OGFR: variants seen among roughly 807,000 people sequenced by gnomAD.
OGFR encodes the protein protein 7-60.
Under a neutral mutation model 33.6 loss-of-function variants are expected in OGFR, and 18 were observed. That is an observed-to-expected ratio of 0.54 (90% confidence interval 0.37 to 0.80). The LOEUF (loss-of-function observed/expected upper bound fraction) is 0.80. Ranked by LOEUF, OGFR falls within the 30% of genes least tolerant of loss-of-function variation. The pLI is 0.00. For synonymous variants in OGFR, 370 were observed against 400.7 expected, an observed-to-expected ratio of 0.92 and a Z score of 0.91; for missense variants, 877 against 955.8, an observed-to-expected ratio of 0.92 and a Z score of 1.09.
At chr20:62,808,097 C>A in intron 2 of OGFR, 150 bp from the exon 3 acceptor site, 4 of 731,862 alleles carry the variant, frequency 5.5e-6, no homozygotes, top group South Asian at 4.3e-5. Context: ...CTCTGAATGG[C>A]CCCCACCTGC....
intron 6 of OGFR, 27 bp from the exon 7 acceptor site, chr20:62,812,203 A>T (rs1452211719): frequency 1.9e-5 from 28 of 1,459,302 alleles, no homozygotes; most frequent in Non-Finnish European, 9.1e-7. Context: ...CCAGCCATTG[A>T]CCTCTCCTGA....
At chr20:62,808,899 T>C (rs1990657935) in intron 3 of OGFR, among the ~76,000 whole-genome samples, 1 of 136,898 alleles carries the variant, frequency 7.3e-6, no homozygotes, top group Non-Finnish European at 1.5e-5. Flanking sequence ...CGCTTGAACT[T>C]GGGAGGTGGA....
chr20:62,809,930 G>C (rs1990686257), intron 4 of OGFR, among the ~76,000 whole-genome samples: 1 of 152,234 alleles, frequency 6.6e-6, no homozygotes, highest in South Asian at 2.1e-4. Context: ...ACAGGAGAGG[G>C]GGCAGGCACT....
intron 6 of OGFR, 95 bp from the exon 7 acceptor site, chr20:62,812,135 C>A: frequency 1.8e-6 from 2 of 1,130,358 alleles, no homozygotes; most frequent in Non-Finnish European, 1.2e-6. Context: ...GTGGGGAGAC[C>A]TCGTGGAGCC....
chr20:62,805,262 T>C (rs1380549608), intron 1 of OGFR, among the ~76,000 whole-genome samples: 1 of 151,596 alleles, frequency 6.6e-6, no homozygotes, highest in East Asian at 1.9e-4. Flanking sequence ...CCATCGTGTG[T>C]GGGCGCCGTT....
At position 62,810,604 on chromosome 20, in the gene OGFR, G is replaced by A. The variant is rs773856625; in HGVS notation, c.465+39G>A. ...TGGCTGTGACTGGAGGGGAAGATGG[G>A]GAGGCCTGGGCAAGCCACGCCGCTG... On this transcript the variant is annotated intron_variant, in intron 5 of 6. Transcript: ENST00000290291. 25 of 1,600,052 alleles carry A rather than the reference G, an allele frequency of 1.6e-5. No homozygotes were observed. In the South Asian group the frequency reaches 2.6e-4, roughly 17 times the overall value.
Position 62,807,475 on chromosome 20 carries a change from C to T in OGFR, c.172-62C>T, listed in dbSNP as rs1231099374. ...CTGGCCCAGGCCCTGCAGCCCTCAC[C>T]ACGTTGGGACTCACTTGGGGGTCTC... On this transcript the variant is annotated intron_variant, in intron 1 of 6. Transcript: ENST00000290291. The T allele has an allele frequency of 2.0e-6, 3 of 1,496,842 alleles. No individual in the cohort carries two copies. In the African/African-American group the frequency reaches 4.1e-5, roughly 21 times the overall value. The allele number at this position is 1,496,842 out of a possible 1,614,324, so 92.7% of individuals were successfully genotyped here.
rs747201389 is a variant in OGFR, at chr20:62,813,135, G to A, written c.1520G>A (p.Arg507Gln). 1.9e-6 allele frequency: 3 copies of A among 1,580,450 alleles called. No individual in the cohort carries two copies. The highest frequency in any genetic ancestry group is 1.3e-5 in the African/African-American group (1 of 74,180). Residue 507 changes from arginine (R) to glutamine (Q), a missense_variant, in exon 7 of 7, where the codon CGA becomes CAA. By Grantham distance (43) the Arg-to-Gln change is conservative. Transcript: ENST00000290291. ...ENGVEEDTEG[R>Q]TGPKEGTPGS... ...GGGGTTGAGGAGGACACAGAAGGTCGAACGGGGCCCAAAGAAGGTACCCCT... is the reference window on the plus strand; with the variant it reads ...GGGGTTGAGGAGGACACAGAAGGTCAAACGGGGCCCAAAGAAGGTACCCCT...
chr20:62,809,525 GTCC>G, intron 3 of OGFR, 57 bp from the exon 4 acceptor site: 5 of 1,324,676 alleles, frequency 3.8e-6, no homozygotes, highest in Non-Finnish European at 3.3e-6. Flanking sequence ...CCCACACCCC[GTCC>G]TCCTGAGCAC....
rs969130330 is a variant in OGFR, at chr20:62,810,002, G to A, written c.398+339G>A. ...CAGTGAGCCTCAAGGGGCGGCCCCCGTCTCGGACTCAGCTGGGGCAGGGTC... is the reference window on the plus strand; with the variant it reads ...CAGTGAGCCTCAAGGGGCGGCCCCCATCTCGGACTCAGCTGGGGCAGGGTC... On this transcript the variant is annotated intron_variant, in intron 4 of 6. Transcript: ENST00000290291. Among the ~76,000 whole-genome samples, 5 of 152,224 alleles carry A rather than the reference G, an allele frequency of 3.3e-5. No homozygotes were observed. In the East Asian group the frequency reaches 5.8e-4, roughly 18 times the overall value.
At chr20:62,810,287 T>G (rs1990694605) in intron 4 of OGFR, among the ~76,000 whole-genome samples, 1 of 152,186 alleles carries the variant, frequency 6.6e-6, no homozygotes, top group Non-Finnish European at 1.5e-5. Flanking sequence ...GCATGCAGGC[T>G]GTGACTTACG....
chr20:62,805,155 G>A, intron 1 of OGFR, 125 bp downstream of exon 1: 1 of 714,140 alleles, frequency 1.4e-6, no homozygotes, highest in Non-Finnish European at 1.9e-6. Flanking sequence ...GCAGCCCCGG[G>A]GACCCCCCCC....
Position 62,812,948 on chromosome 20 carries a change from C to A in OGFR, c.1333C>A (p.Gln445Lys). 6.2e-7 allele frequency: 1 copy of A among 1,612,312 alleles called. No individual in the cohort carries two copies. The highest frequency in any genetic ancestry group is 8.5e-7 in the Non-Finnish European group (1 of 1,179,818). ...TGGGGAGGCAGTGCAGCCCTGCCGC[C>A]AACCCCTGGGAGCCAGGGTGGCCGA... ...DPGEAVQPCR[Q>K]PLGARVADKV... The change falls in exon 7 of 7, where the codon CAA (glutamine) becomes AAA (lysine). Residue 445 changes from glutamine to lysine, a missense_variant. Around this residue, in one of 3 missense-constraint regions of OGFR, gnomAD observed 760 missense variants for 736.0 expected, o/e 1.03. Transcript: ENST00000290291.
intron 2 of OGFR, 40 bp downstream of exon 2, chr20:62,807,645 G>T: frequency 6.3e-7 from 1 of 1,585,630 alleles, no homozygotes; most frequent in South Asian, 1.1e-5. Flanking sequence ...GAACCCTCCC[G>T]CCAGCTGCTC....
At chr20:62,812,141 G>A in intron 6 of OGFR, 89 bp from the exon 7 acceptor site, 1 of 1,191,172 alleles carries the variant, frequency 8.4e-7, no homozygotes, top group Non-Finnish European at 1.2e-6. Context: ...AGACCTCGTG[G>A]AGCCGGGTGG....
chr20:62,804,983 G>A lies in OGFR; in HGVS notation c.124G>A (p.Asp42Asn). ...GAGGGACGCGGACGCAGGGGACGAGGACGAGGAGTCGGAGGAGCCGCGGGC... is the reference window on the plus strand; with the variant it reads ...GAGGGACGCGGACGCAGGGGACGAGAACGAGGAGTCGGAGGAGCCGCGGGC... ...GARDADAGDE[D>N]EESEEPRAAR... The change falls in exon 1 of 7, where the codon GAC (aspartate) becomes AAC (asparagine). Residue 42 changes from aspartate to asparagine, a missense_variant. By Grantham distance (23) the Asp-to-Asn change is conservative. Around this residue, in one of 3 missense-constraint regions of OGFR, gnomAD observed 760 missense variants for 736.0 expected, o/e 1.03. Coordinates refer to ENST00000290291, the MANE Select transcript of OGFR (RefSeq NM_007346.4). The A allele has an allele frequency of 1.3e-6, 2 of 1,483,180 alleles. No individual in the cohort carries two copies. Among genetic ancestry groups the A allele is most frequent in the Non-Finnish European group, 1.8e-6 (2 of 1,118,588 alleles). The allele number at this position is 1,483,180 out of a possible 1,614,324, so 91.9% of individuals were successfully genotyped here. A position where few individuals can be genotyped will look rare whatever the true frequency, so the allele number is the denominator to read the frequency against.
rs139276224 is a variant in OGFR, at chr20:62,807,544, T to A, written c.179T>A (p.Met60Lys). Residue 60 changes from methionine (M) to lysine (K), a missense_variant, in exon 2 of 7, where the codon ATG (methionine) becomes AAG (lysine). Physicochemically the swap from Met to Lys is moderately conservative, Grantham distance 95 (BLOSUM62 -1). This residue lies in a region of OGFR where 760 missense variants were observed against 736.0 expected (regional missense o/e 1.03). Coordinates refer to ENST00000290291, the MANE Select transcript of OGFR (RefSeq NM_007346.4). ...AARPSSFQSR[M>K]TGSRNWRATR... The stretch of plus-strand genomic sequence containing the variant: ...CATCTCTTTTCTTCCCAGTCCAGAA[T>A]GACAGGGTCCAGAAACTGGCGAGCC... 1.2e-4 allele frequency: 199 copies of A among 1,612,692 alleles called. No individual in the cohort carries two copies. The highest frequency in any genetic ancestry group is 1.0e-3 in the Admixed American group (60 of 59,968).
Position 62,812,479 on chromosome 20 carries a change from C to G in OGFR, c.864C>G (p.Pro288=), listed in dbSNP as rs763377010. The G allele has an allele frequency of 6.3e-7, 1 of 1,579,152 alleles. No homozygotes were observed. Among genetic ancestry groups the G allele is most frequent in the African/African-American group, 1.3e-5 (1 of 74,364 alleles). Residue 288 remains proline, a synonymous_variant, in exon 7 of 7, where the codon CCC becomes CCG. Coordinates refer to ENST00000290291, the MANE Select transcript of OGFR (RefSeq NM_007346.4). ...FRPRCKFVWG[P]QDKLRRFKPS... ...CCCGCTGCAAGTTCGTCTGGGGGCC[C>G]CAAGACAAGCTGCGGAGGTTCAAGC...
In OGFR at chr20:62,812,912, G is replaced by A. The variant is rs1019401421; in HGVS notation, c.1297G>A (p.Gly433Ser). 8.1e-6 allele frequency: 13 copies of A among 1,612,282 alleles called. No individual in the cohort carries two copies. The highest frequency in any genetic ancestry group is 4.4e-5 in the South Asian group (4 of 91,074). Residue 433 changes from glycine to serine, a missense_variant, in exon 7 of 7, where the codon GGT becomes AGT. Transcript: ENST00000290291. Reference protein sequence around the residue: ...SLRTGTQEVGGQDPGEAVQPC... With the variant: ...SLRTGTQEVGSQDPGEAVQPC... ...CAGGACGGGGACCCAGGAAGTGGGCGGTCAGGACCCTGGGGAGGCAGTGCA... is the reference window on the plus strand; with the variant it reads ...CAGGACGGGGACCCAGGAAGTGGGCAGTCAGGACCCTGGGGAGGCAGTGCA...
Sources: allele counts gnomAD v4.1 joint callset (sites outside exome capture counted in the v4.1 genomes callset), GRCh38; gene constraint gnomAD v4.1.1; regional missense constraint gnomAD v4.1.1; transcripts MANE v1.5; gene names NCBI Gene and HGNC (gene_info 2026-07-23, HGNC 2026-07-21).